Variants in DRICH1 observed in about 807,000 individuals in gnomAD.
The protein encoded by DRICH1 is aspartate rich 1.
DRICH1 carries 38 observed loss-of-function variants against 39.5 expected under a neutral mutation model. The observed-to-expected ratio is 0.96, with a 90% CI of 0.74 to 1.26. The LOEUF is 1.26. Among genes scored for constraint, DRICH1 ranks in the 50% most tolerant of loss-of-function variants. The pLI is 0.00. For synonymous variants in DRICH1, 84 were observed against 99.5 expected (o/e 0.84, Z 0.93); for missense variants, 279 against 270.4 (o/e 1.03, Z -0.22).
the DRICH1 span, among the ~76,000 whole-genome samples, chr22:23,600,712 G>T: frequency 7.0e-6 from 1 of 142,354 alleles, no homozygotes; most frequent in Non-Finnish European, 1.5e-5. Flanking sequence ...TCGCTCTGTC[G>T]CCCAGGCTGG....
At chr22:23,622,908 G>A (rs1398152426) in intron 3 of DRICH1, among the ~76,000 whole-genome samples, 2 of 149,764 alleles carry the variant, frequency 1.3e-5, no homozygotes, top group Non-Finnish European at 3.0e-5. Flanking sequence ...TCTGAGAGAC[G>A]TGACTCTGAA....
At chr22:23,584,974 T>C in the DRICH1 span, among the ~76,000 whole-genome samples, 1 of 152,232 alleles carries the variant, frequency 6.6e-6, no homozygotes, top group African/African-American at 2.4e-5. Flanking sequence ...GATTTATCTG[T>C]ATCCTACAAA....
the DRICH1 span, among the ~76,000 whole-genome samples, chr22:23,582,558 A>ATTAT: frequency 9.4e-5 from 12 of 127,302 alleles, no homozygotes; most frequent in African/African-American, 2.9e-4. Flanking sequence ...TCAGGGGCTT[A>ATTAT]TTATTATTAT....
Position 23,632,207 on chromosome 22 carries a change from G to A in DRICH1, c.-184C>T. The A allele has an allele frequency of 3.2e-6, 3 of 943,860 alleles. No homozygotes were observed. The highest frequency in any genetic ancestry group is 1.8e-5 in the South Asian group (1 of 56,584). 58.5% of individuals were successfully genotyped at this position (943,860 alleles called of 1,614,324 possible). ...CAAACTAGCTGGTCTATGAGGTCAGGGACCTGCTGTCTTCTTTGAAAAATA... is the reference window on the plus strand; with the variant it reads ...CAAACTAGCTGGTCTATGAGGTCAGAGACCTGCTGTCTTCTTTGAAAAATA... On this transcript the variant is annotated 5_prime_UTR_variant, in exon 1 of 12. Coordinates refer to ENST00000317749, the MANE Select transcript of DRICH1 (RefSeq NM_016449.4).
chr22:23,582,822 A>G, the DRICH1 span, among the ~76,000 whole-genome samples: 1 of 152,072 alleles, frequency 6.6e-6, no homozygotes, highest in African/African-American at 2.4e-5. Context: ...CAGCCTCCCA[A>G]AGAGCTGGGA....
chr22:23,588,458 G>A, the DRICH1 span, among the ~76,000 whole-genome samples: 3 of 152,178 alleles, frequency 2.0e-5, no homozygotes, highest in African/African-American at 7.2e-5. Flanking sequence ...AGTTGGGAAG[G>A]CGCTCAGTGG....
At chr22:23,589,386 G>T in the DRICH1 span, among the ~76,000 whole-genome samples, 1 of 151,948 alleles carries the variant, frequency 6.6e-6, no homozygotes. Context: ...AAGAGCTCGA[G>T]GCTGCAGTGA....
chr22:23,610,332 T>G (rs1926965815), intron 11 of DRICH1: 1 of 152,256 alleles, frequency 6.6e-6, no homozygotes, highest in Non-Finnish European at 1.5e-5. Flanking sequence ...TGTTTAAGCC[T>G]TTAGGGAAGT....
At chr22:23,603,477 T>A (rs1288147931), downstream of DRICH1, among the ~76,000 whole-genome samples, 1 of 151,954 alleles carries the variant, frequency 6.6e-6, no homozygotes, top group East Asian at 1.9e-4. Flanking sequence ...AGCACACAAA[T>A]CTGATGATCA....
chr22:23,587,282 C>T, the DRICH1 span, among the ~76,000 whole-genome samples: 3 of 152,154 alleles, frequency 2.0e-5, no homozygotes, highest in Non-Finnish European at 4.4e-5. Context: ...CTCAAATGGC[C>T]TCAAACAAGG....
At chr22:23,584,789 G>A in the DRICH1 span, among the ~76,000 whole-genome samples, 2 of 152,148 alleles carry the variant, frequency 1.3e-5, no homozygotes, top group Admixed American at 1.3e-4. Flanking sequence ...ACAAACTTGT[G>A]AAAATTAAAC....
Position 23,614,151 on chromosome 22 carries a change from T to A in DRICH1, c.605A>T (p.Asp202Val), listed in dbSNP as rs746205514. 6.2e-7 allele frequency: 1 copy of A among 1,608,958 alleles called. No individual in the cohort carries two copies. Among genetic ancestry groups the A allele is most frequent in the South Asian group, 1.1e-5 (1 of 90,942 alleles). ...AGGTCTTACGTGGATGTCATCATCA[T>A]CTTCTTCTTCTTCATCTTTGTGTCT... ...SLRHKDEEEE[D>V]DDDIHITARI... is the part of the protein sequence containing the mutation. Residue 202 changes from aspartate (D) to valine (V), a missense_variant, in exon 9 of 12, where the codon GAT becomes GTT. Physicochemically the swap from Asp to Val is radical, Grantham distance 152 (BLOSUM62 -3). Coordinates refer to ENST00000317749, the MANE Select transcript of DRICH1 (RefSeq NM_016449.4).
chr22:23,596,504 C>T, the DRICH1 span, among the ~76,000 whole-genome samples: 4 of 152,196 alleles, frequency 2.6e-5, no homozygotes, highest in African/African-American at 4.8e-5. Context: ...ATCTTCCCAC[C>T]GTGGCCTCCC....
At chr22:23,589,341 C>T in the DRICH1 span, among the ~76,000 whole-genome samples, 2 of 151,944 alleles carry the variant, frequency 1.3e-5, no homozygotes, top group Non-Finnish European at 2.9e-5. Flanking sequence ...GCCCCAGCTA[C>T]TTGGGAGGCT....
At chr22:23,615,032 A>G (rs1324482190) in intron 8 of DRICH1, among the ~76,000 whole-genome samples, 2 of 152,210 alleles carry the variant, frequency 1.3e-5, no homozygotes, top group Admixed American at 6.5e-5. Context: ...TTCATGAAAA[A>G]AAGTCCATGA....
At chr22:23,582,570 A>ATTATTATTATTATTAT in the DRICH1 span, among the ~76,000 whole-genome samples, 1 of 135,626 alleles carries the variant, frequency 7.4e-6, no homozygotes, top group African/African-American at 2.6e-5. Context: ...TATTATTATT[A>ATTATTATTATTATTAT]TTATTATTAT....
chr22:23,625,860 A>G, intron 2 of DRICH1, 121 bp downstream of exon 2: 5 of 766,428 alleles, frequency 6.5e-6, no homozygotes, highest in Non-Finnish European at 1.1e-5. Context: ...ACCATCATTA[A>G]AAGTCTTACT....
chr22:23,614,240 G>A, intron 8 of DRICH1, 26 bp from the exon 9 acceptor site: 1 of 1,561,634 alleles, frequency 6.4e-7, no homozygotes, highest in Non-Finnish European at 8.8e-7. Context: ...GGAAAGATCA[G>A]TGCACCGGTG....
Position 23,617,876 on chromosome 22 carries a change from A to G in DRICH1, c.437-219T>C, listed in dbSNP as rs573994518. Among the ~76,000 whole-genome samples the G allele has an allele frequency of 5.3e-5, 8 of 152,224 alleles. No homozygotes were observed. In the East Asian group the frequency reaches 1.5e-3, roughly 29 times the overall value. ...CAGCAACACAAAACAGTCAACCCCA[A>G]ATGGAACTAAAGCACACACTAAGGG... On this transcript the variant is annotated intron_variant, in intron 6 of 11. Coordinates refer to ENST00000317749, the MANE Select transcript of DRICH1 (RefSeq NM_016449.4).
Sources: allele counts gnomAD v4.1 joint callset (sites outside exome capture counted in the v4.1 genomes callset), GRCh38; gene constraint gnomAD v4.1.1; transcripts MANE v1.5; gene names NCBI Gene and HGNC (gene_info 2026-07-23, HGNC 2026-07-21).